Variants in IKBKB observed in about 807,000 individuals in gnomAD.
The protein encoded by IKBKB is inhibitor of nuclear factor kappa B kinase subunit beta.
Under a neutral mutation model 113.6 loss-of-function variants are expected in IKBKB, and 42 were observed. That is an observed-to-expected ratio of 0.37 (90% CI 0.29 to 0.48). The LOEUF (loss-of-function observed/expected upper bound fraction) is 0.48, where lower values mean the gene tolerates loss of function less well. IKBKB is among the 20% of genes least tolerant of loss of function. The pLI is 0.99. For synonymous variants in IKBKB, 296 were observed against 361.3 expected (o/e 0.82, Z 2.05); for missense variants, 673 against 939.7 (o/e 0.72, Z 3.71).
At position 42,326,453 on chromosome 8, in the gene IKBKB, C is replaced by T. The variant is rs756572271; in HGVS notation, c.2114+356C>T. The T allele has an allele frequency of 8.3e-4, 160 of 193,442 alleles. 1 individual carries two copies. Among genetic ancestry groups the T allele is most frequent in the Non-Finnish European group, 1.4e-3 (128 of 94,150 alleles). 12.0% of individuals were successfully genotyped at this position (193,442 alleles called of 1,614,324 possible). ...TCACCCTACCAGTACCTTGAGTTAC[C>T]GAGTCACCACCCTCCTCCCGGTGCC... is the stretch of plus-strand genomic sequence containing the variant. On this transcript the variant is annotated intron_variant, in intron 20 of 21. Transcript: ENST00000520810.
At chr8:42,281,074 A>C (rs575041657) in intron 2 of IKBKB, among the ~76,000 whole-genome samples, 1 of 152,326 alleles carries the variant, frequency 6.6e-6, no homozygotes, top group East Asian at 1.9e-4. Context: ...ACCGAACTGC[A>C]TGGATAACAG....
intron 19 of IKBKB, chr8:42,324,679 G>C (rs1228352611): frequency 6.6e-6 from 1 of 152,650 alleles, no homozygotes; most frequent in African/African-American, 2.4e-5. Context: ...TCCCTCTCCA[G>C]GCAGCTGGAG....
At chr8:42,327,662 C>T (rs1353581111) in intron 20 of IKBKB, among the ~76,000 whole-genome samples, 4 of 118,594 alleles carry the variant, frequency 3.4e-5, no homozygotes, top group Non-Finnish European at 5.1e-5. Context: ...AATGGAGTTT[C>T]GCTCTTGTTG....
At chr8:42,274,827 G>A (rs1808717772) in intron 2 of IKBKB, among the ~76,000 whole-genome samples, 1 of 103,246 alleles carries the variant, frequency 9.7e-6, no homozygotes, top group African/African-American at 3.2e-5. Flanking sequence ...CAAAGTGCTG[G>A]GATTACAGGT....
At position 42,271,456 on chromosome 8, in the gene IKBKB, G is replaced by A; in HGVS notation, c.-32G>A. 1 of 1,225,148 alleles carries A rather than the reference G, an allele frequency of 8.2e-7. No individual in the cohort carries two copies. 75.9% of individuals were successfully genotyped at this position (1,225,148 alleles called of 1,614,324 possible). On this transcript the variant is annotated 5_prime_UTR_variant, in exon 1 of 22. Coordinates refer to ENST00000520810, the MANE Select transcript of IKBKB (RefSeq NM_001556.3). Reference sequence around the variant, plus strand: ...CCGGGGAGCCCGCCCCCTGCCCCGCGTCCCTGCCGACAGGTGAGTCCCCCT... The same window carrying A: ...CCGGGGAGCCCGCCCCCTGCCCCGCATCCCTGCCGACAGGTGAGTCCCCCT...
At chr8:42,325,383 T>G in intron 19 of IKBKB, 2 of 986,110 alleles carry the variant, frequency 2.0e-6, no homozygotes, top group Non-Finnish European at 2.4e-6. Flanking sequence ...TTCCTGTTCT[T>G]TTCTTGTAAA....
chr8:42,309,158 G>C lies in IKBKB; in HGVS notation c.692+133G>C. ...TGTTTCTCTTCCGAGAGGAAGGCCT[G>C]TCAGGACCTAGCACGAGTAGGGGAG... On this transcript the variant is annotated intron_variant, in intron 8 of 21. Coordinates refer to ENST00000520810, the MANE Select transcript of IKBKB (RefSeq NM_001556.3). The C allele has an allele frequency of 4.0e-6, 4 of 999,964 alleles. No individual in the cohort carries two copies. The South Asian group carries it at 4.7e-5, about 12-fold the overall frequency. The allele number at this position is 999,964 out of a possible 1,614,324, so 61.9% of individuals were successfully genotyped here. A position where few individuals can be genotyped will look rare whatever the true frequency, so the allele number is the denominator to read the frequency against.
intron 8 of IKBKB, among the ~76,000 whole-genome samples, chr8:42,311,141 AGT>A (rs1817617159): frequency 6.6e-6 from 1 of 152,254 alleles, no homozygotes; most frequent in East Asian, 1.9e-4. Flanking sequence ...CTCCACCTGG[AGT>A]GTGGACACTG....
At chr8:42,286,196 G>A (rs946690462) in intron 2 of IKBKB, among the ~76,000 whole-genome samples, 3 of 152,166 alleles carry the variant, frequency 2.0e-5, no homozygotes, top group African/African-American at 7.2e-5. Flanking sequence ...AGTGTTGACA[G>A]TACCTCCTTT....
chr8:42,271,611 G>A, intron 1 of IKBKB, 142 bp downstream of exon 1: 1 of 550,656 alleles, frequency 1.8e-6, no homozygotes, highest in Non-Finnish European at 3.2e-6. Context: ...GCGGGTTGGA[G>A]TTCGGGAAGC....
At chr8:42,319,170 C>A in intron 13 of IKBKB, 100 bp from the exon 14 acceptor site, 1 of 1,054,444 alleles carries the variant, frequency 9.5e-7, no homozygotes, top group Non-Finnish European at 1.4e-6. Flanking sequence ...ATAATTATAG[C>A]AGGGACCTCC....
At chr8:42,286,262 T>A (rs1007366884) in intron 2 of IKBKB, among the ~76,000 whole-genome samples, 5 of 152,132 alleles carry the variant, frequency 3.3e-5, no homozygotes, top group Non-Finnish European at 7.4e-5. Flanking sequence ...TTTTGGTTCT[T>A]GGTGTCGGTG....
In IKBKB at chr8:42,316,127, G is replaced by T. The variant is rs548292451; in HGVS notation, c.801-83G>T. On this transcript the variant is annotated intron_variant, in intron 9 of 21. Transcript: ENST00000520810. The surrounding 1 kb of genome is among the most constrained non-coding windows in gnomAD (Gnocchi z 4.5). The stretch of plus-strand genomic sequence containing the variant: ...TTTCAATCACCGTCTACTGGCTGCC[G>T]TCTGTGTGTATACTGGGAGACGCAC... The T allele has an allele frequency of 6.8e-7, 1 of 1,461,984 alleles. No homozygotes were observed. The allele number at this position is 1,461,984 out of a possible 1,614,324, so 90.6% of individuals were successfully genotyped here.
At chr8:42,284,128 G>T (rs761533815) in intron 2 of IKBKB, among the ~76,000 whole-genome samples, 1 of 152,170 alleles carries the variant, frequency 6.6e-6, no homozygotes, top group African/African-American at 2.4e-5. Context: ...AATTTATAAT[G>T]ATTTTATTTC....
At chr8:42,310,345 C>G (rs901049866) in intron 8 of IKBKB, among the ~76,000 whole-genome samples, 1 of 152,164 alleles carries the variant, frequency 6.6e-6, no homozygotes, top group Non-Finnish European at 1.5e-5. Context: ...CATTTACCTC[C>G]CCACAGGCAC....
intron 8 of IKBKB, among the ~76,000 whole-genome samples, chr8:42,311,805 A>T (rs1229011721): frequency 2.6e-5 from 4 of 152,190 alleles, no homozygotes; most frequent in African/African-American, 9.6e-5. Context: ...GAATTTGTTC[A>T]TTAATTTATA....
chr8:42,319,876 GT>G, intron 15 of IKBKB: 1 of 462,370 alleles, frequency 2.2e-6, no homozygotes, highest in South Asian at 4.8e-5. Context: ...GATGGTCCAG[GT>G]TTAAATAAGA....
chr8:42,277,086 G>A (rs1809302606), intron 2 of IKBKB, among the ~76,000 whole-genome samples: 1 of 151,634 alleles, frequency 6.6e-6, no homozygotes, highest in South Asian at 2.1e-4. Flanking sequence ...TAGCCAGGAC[G>A]GTCTCAATCT....
intron 13 of IKBKB, 112 bp from the exon 14 acceptor site, chr8:42,319,158 T>C: frequency 1.1e-6 from 1 of 942,874 alleles, no homozygotes; most frequent in South Asian, 1.5e-5. Context: ...GTGATGATGA[T>C]AATAATTATA....
Sources: allele counts gnomAD v4.1 joint callset (sites outside exome capture counted in the v4.1 genomes callset), GRCh38; gene constraint gnomAD v4.1.1; non-coding constraint Gnocchi (gnomAD v3.1); transcripts MANE v1.5; gene names NCBI Gene and HGNC (gene_info 2026-07-23, HGNC 2026-07-21).